The following OTOGL variants were observed in gnomAD, a reference collection of about 807,000 sequenced individuals.
OTOGL encodes otogelin-like protein.
OTOGL carries 285 observed loss-of-function variants against 318.5 expected under a neutral mutation model. The observed-to-expected ratio is 0.89, with a 90% CI of 0.81 to 0.99. The LOEUF is 0.99. Among genes scored for constraint, OTOGL ranks in the 50% least tolerant of loss-of-function variants. The pLI, the probability that OTOGL is intolerant of heterozygous loss-of-function variation, is 0.00. For synonymous variants in OTOGL, 987 were observed against 936.5 expected (o/e 1.05, Z -0.99); for missense variants, 2,899 against 2,845.6 (o/e 1.02, Z -0.43).
At chr12:80,162,788 T>G (rs1873598669) in intron 1 of OTOGL, among the ~76,000 whole-genome samples, 1 of 152,096 alleles carries the variant, frequency 6.6e-6, no homozygotes, top group South Asian at 2.1e-4. Flanking sequence ...AATGTTACTT[T>G]CTGAGGTACT....
intron 52 of OTOGL, among the ~76,000 whole-genome samples, chr12:80,360,146 G>T (rs1890145515): frequency 6.6e-6 from 1 of 152,126 alleles, no homozygotes; most frequent in Non-Finnish European, 1.5e-5. Flanking sequence ...GCTCACTTAG[G>T]CAGTAAATAA....
chr12:80,346,004 A>G (rs1889174760), intron 44 of OTOGL, among the ~76,000 whole-genome samples: 1 of 152,178 alleles, frequency 6.6e-6, no homozygotes, highest in South Asian at 2.1e-4. Context: ...GGAGGTAGAG[A>G]AGACACAGTA....
rs778666605 is a variant in OTOGL at position 80,315,096 on chromosome 12, G to T, written c.3634+765G>T. On this transcript the variant is annotated intron_variant, in intron 32 of 58. Transcript: ENST00000547103. ...TGGTTGGGAAGTGGGCAGGGAAAGG[G>T]CAGATGTTGGTCAAAGGGCACAAAG... 5.2e-4 allele frequency among the ~76,000 whole-genome samples: 79 copies of T among 152,146 alleles called. 1 individual carries two copies. Among genetic ancestry groups the T allele is most frequent in the Admixed American group, 5.9e-4 (9 of 15,272 alleles).
At chr12:80,264,131 T>C (rs990564033) in intron 19 of OTOGL, among the ~76,000 whole-genome samples, 2 of 152,098 alleles carry the variant, frequency 1.3e-5, no homozygotes, top group Non-Finnish European at 2.9e-5. Context: ...ACAATGACAA[T>C]GAAAAGATTG....
chr12:80,194,291 C>T lies in OTOGL; in HGVS notation c.-19-15122C>T, dbSNP rs182867520. 7.2e-4 allele frequency among the ~76,000 whole-genome samples: 110 copies of T among 152,316 alleles called. 2 individuals carry two copies. Among genetic ancestry groups the T allele is most frequent in the African/African-American group, 2.1e-3 (88 of 41,576 alleles). On this transcript the variant is annotated intron_variant, in intron 1 of 58. Coordinates refer to ENST00000547103, the MANE Select transcript of OTOGL (RefSeq NM_001378609.3). ...TAAGTATGATTCTTCAACCTTCCTG[C>T]TAGTTCTGTGGGATCTCCAATAACC... is the stretch of plus-strand genomic sequence containing the variant.
At chr12:80,214,787 A>C (rs370750173) in intron 4 of OTOGL, among the ~76,000 whole-genome samples, 3 of 152,178 alleles carry the variant, frequency 2.0e-5, no homozygotes, top group African/African-American at 7.2e-5. Flanking sequence ...TTTCTGTGCA[A>C]TTGGTTCATT....
chr12:80,103,209 T>C, intron 1 of OTOGL: 1 of 1,424,988 alleles, frequency 7.0e-7, no homozygotes, highest in African/African-American at 1.4e-5. Context: ...TCGCTCGTTG[T>C]ACTTCTGTCT....
At chr12:80,173,629 T>A (rs1197762904) in intron 1 of OTOGL, among the ~76,000 whole-genome samples, 2 of 152,180 alleles carry the variant, frequency 1.3e-5, no homozygotes, top group Non-Finnish European at 2.9e-5. Flanking sequence ...CCTATCTCAT[T>A]CCATGGCTAA....
At position 80,302,798 on chromosome 12, in the gene OTOGL, G is replaced by A; in HGVS notation, c.3213+15G>A. On this transcript the variant is annotated intron_variant, in intron 28 of 58. Transcript: ENST00000547103. ...CACAGTGGAAGGTAGGTCAACCTAA[G>A]CTCCAAATGAGATGTAATGAATAAA... 1 of 1,443,314 alleles carries A rather than the reference G, an allele frequency of 6.9e-7. No individual in the cohort carries two copies. Among genetic ancestry groups the A allele is most frequent in the South Asian group, 1.5e-5 (1 of 66,080 alleles). The allele number at this position is 1,443,314 out of a possible 1,614,324, so 89.4% of individuals were successfully genotyped here.
In OTOGL at chr12:80,342,194, C is replaced by T. The variant is rs1888821556; in HGVS notation, c.5265+32C>T. 5.4e-6 allele frequency: 8 copies of T among 1,470,264 alleles called. No individual in the cohort carries two copies. The Admixed American group carries it at 1.4e-4, about 26-fold the overall frequency. The allele number at this position is 1,470,264 out of a possible 1,614,324, so 91.1% of individuals were successfully genotyped here. On this transcript the variant is annotated intron_variant, in intron 44 of 58. Coordinates refer to ENST00000547103, the MANE Select transcript of OTOGL (RefSeq NM_001378609.3). ...TGGAAGCAACCATAAATAATACTTT[C>T]ATGTTAGATATGTTGAGAGTAAAAG... is the stretch of plus-strand genomic sequence containing the variant.
intron 42 of OTOGL, 49 bp downstream of exon 42, chr12:80,337,053 TATACAAACAGTTATTTCCA>T (rs1407993582): frequency 3.0e-6 from 4 of 1,333,824 alleles, no homozygotes; most frequent in Non-Finnish European, 3.1e-6. Context: ...GAAAATAAAT[TATACAAACAGTTATTTCCA>T]ATAAGAGGGA....
chr12:80,270,493 A>T (rs1049290686), intron 23 of OTOGL, among the ~76,000 whole-genome samples: 1 of 152,118 alleles, frequency 6.6e-6, no homozygotes, highest in Non-Finnish European at 1.5e-5. Context: ...TGTGGGACAG[A>T]AATTGGGAAA....
chr12:80,355,789 G>C lies in OTOGL; in HGVS notation c.5647G>C (p.Gly1883Arg). The change falls in exon 47 of 59, where the codon GGC (glycine) becomes CGC (arginine). Residue 1883 changes from glycine to arginine, a missense_variant. Physicochemically the swap from Gly to Arg is moderately radical, Grantham distance 125 (BLOSUM62 -2). This residue lies in a region of OTOGL where 2,607 missense variants were observed against 2,524.9 expected (regional missense o/e 1.03). Transcript: ENST00000547103. ...PRTAGEIWNG[G>R]IDECTLYKCL... ...CACTGCTGGGGAGATTTGGAATGGG[G>C]GCATTGATGAATGCACTCTATACAA... The C allele has an allele frequency of 6.2e-7, 1 of 1,613,730 alleles. No individual in the cohort carries two copies. Among genetic ancestry groups the C allele is most frequent in the Non-Finnish European group, 8.5e-7 (1 of 1,179,786 alleles).
intron 53 of OTOGL, 37 bp from the exon 54 acceptor site, chr12:80,367,524 A>C (rs370986907): frequency 1.4e-6 from 2 of 1,399,934 alleles, no homozygotes; most frequent in Non-Finnish European, 1.9e-6. Context: ...AAAACTCAAC[A>C]GTATATTTTC....
At chr12:80,318,773 C>A in intron 33 of OTOGL, 60 bp downstream of exon 33, 1 of 1,100,162 alleles carries the variant, frequency 9.1e-7, no homozygotes, top group South Asian at 4.7e-5. Context: ...TTTAGCCACT[C>A]AGTAAATATT....
rs373160033 is a variant in OTOGL, at chr12:80,320,538, G to C, written c.3919G>C (p.Ala1307Pro). 2 of 1,613,624 alleles carry C rather than the reference G, an allele frequency of 1.2e-6. No homozygotes were observed. Among genetic ancestry groups the C allele is most frequent in the Non-Finnish European group, 1.7e-6 (2 of 1,179,746 alleles). The change falls in exon 34 of 59, where the codon GCA (alanine) becomes CCA (proline). Residue 1307 changes from alanine (A) to proline (P), a missense_variant. By Grantham distance (27) the Ala-to-Pro change is conservative. This residue lies in a region of OTOGL where 2,607 missense variants were observed against 2,524.9 expected (regional missense o/e 1.03). Coordinates refer to ENST00000547103, the MANE Select transcript of OTOGL (RefSeq NM_001378609.3). ...WEANSAFHRR[A>P]TFFHHQGLWI... ...GGCGAATTCAGCCTTTCATCGGAGA[G>C]CAACATTTTTCCACCATCAGGGCCT...
chr12:80,366,756 G>A, intron 53 of OTOGL, 119 bp downstream of exon 53: 1 of 275,168 alleles, frequency 3.6e-6, no homozygotes. Flanking sequence ...CCATTTGCCA[G>A]TATTTGAGTA....
chr12:80,328,583 G>C (rs986392694), intron 35 of OTOGL, 82 bp from the exon 36 acceptor site: 55 of 1,025,496 alleles, frequency 5.4e-5, no homozygotes, highest in Non-Finnish European at 7.2e-5. Context: ...ATATATCTTA[G>C]TCGCATATGT....
chr12:80,267,409 T>TG lies in OTOGL; in HGVS notation c.2465+82_2465+83insG, dbSNP rs1565942599. On this transcript the variant is annotated intron_variant, in intron 22 of 58. Transcript: ENST00000547103. ...CTTTCTTTTATATATATATATATAT[T>TG]TTTTTATTATACTTTAAGTTCTAGG... 1.2e-5 allele frequency: 7 copies of TG among 570,168 alleles called. No homozygotes were observed. The Admixed American group carries it at 2.1e-4, about 17-fold the overall frequency. The allele number at this position is 570,168 out of a possible 1,614,324, so 35.3% of individuals were successfully genotyped here. A position where few individuals can be genotyped will look rare whatever the true frequency, so the allele number is the denominator to read the frequency against.
Sources: allele counts gnomAD v4.1 joint callset (sites outside exome capture counted in the v4.1 genomes callset), GRCh38; gene constraint gnomAD v4.1.1; regional missense constraint gnomAD v4.1.1; transcripts MANE v1.5; gene names NCBI Gene and HGNC (gene_info 2026-07-23, HGNC 2026-07-21).